The following PRKG1 variants were observed in gnomAD, a reference collection of about 807,000 sequenced individuals.
PRKG1 encodes cGMP-dependent protein kinase 1.
PRKG1 carries 35 observed loss-of-function variants against 88.1 expected under a neutral mutation model. The ratio of observed to expected loss-of-function variants is 0.40; its 90% confidence interval spans 0.30 to 0.53. PRKG1 has a LOEUF of 0.53. Ranked by LOEUF, PRKG1 falls within the 20% of genes least tolerant of loss-of-function variation. PRKG1 has a pLI of 0.59. For synonymous variants in PRKG1, 303 were observed against 292.5 expected (o/e 1.04, Z -0.37); for missense variants, 540 against 839.8 (o/e 0.64, Z 4.41).
At chr10:51,237,441 TA>T (rs763594231) in intron 2 of PRKG1, among the ~76,000 whole-genome samples, 5 of 152,138 alleles carry the variant, frequency 3.3e-5, no homozygotes, top group Non-Finnish European at 7.3e-5. Flanking sequence ...ATCTGTCATT[TA>T]GGAAAGATTA....
intron 2 of PRKG1, among the ~76,000 whole-genome samples, chr10:51,304,808 T>C (rs1840992498): frequency 6.6e-6 from 1 of 152,000 alleles, no homozygotes; most frequent in South Asian, 2.1e-4. Context: ...ACAAAGGACA[T>C]GAAATCATCA....
chr10:52,202,293 C>T (rs1839697661), intron 9 of PRKG1, among the ~76,000 whole-genome samples: 1 of 152,212 alleles, frequency 6.6e-6, no homozygotes, highest in South Asian at 2.1e-4. Context: ...TTGGCATCTA[C>T]TGATAAGGTC....
At chr10:51,966,041 A>C (rs1386595106) in intron 5 of PRKG1, among the ~76,000 whole-genome samples, 1 of 152,112 alleles carries the variant, frequency 6.6e-6, no homozygotes, top group Non-Finnish European at 1.5e-5. Flanking sequence ...TATTCTAATT[A>C]TGTGATTTTT....
chr10:51,040,774 G>T (rs1015816688), intron 1 of PRKG1, among the ~76,000 whole-genome samples: 3 of 152,082 alleles, frequency 2.0e-5, no homozygotes, highest in Admixed American at 6.5e-5. Flanking sequence ...TTGGCATATA[G>T]AAATGCTACT....
intron 5 of PRKG1, among the ~76,000 whole-genome samples, chr10:51,991,968 T>A (rs1205125013): frequency 6.6e-6 from 1 of 152,198 alleles, no homozygotes; most frequent in Non-Finnish European, 1.5e-5. Flanking sequence ...ATGCAATTAT[T>A]GTATTGGATG....
intron 4 of PRKG1, among the ~76,000 whole-genome samples, chr10:51,846,472 C>A (rs1304955844): frequency 6.6e-6 from 1 of 152,124 alleles, no homozygotes; most frequent in Non-Finnish European, 1.5e-5. Flanking sequence ...GGTAATAGGA[C>A]AGTGGCAGAG....
chr10:52,076,959 TA>T (rs1386713799), intron 7 of PRKG1, among the ~76,000 whole-genome samples: 1 of 151,184 alleles, frequency 6.6e-6, no homozygotes, highest in African/African-American at 2.4e-5. Flanking sequence ...ATGTAGAGTA[TA>T]AAATAGTACA....
intron 2 of PRKG1, among the ~76,000 whole-genome samples, chr10:51,431,671 A>C (rs1029667710): frequency 2.0e-5 from 3 of 152,192 alleles, no homozygotes; most frequent in Non-Finnish European, 2.9e-5. Context: ...TACAAATGCC[A>C]GTGCAACAAG....
At chr10:51,659,800 A>G (rs2132328332) in intron 3 of PRKG1, among the ~76,000 whole-genome samples, 1 of 152,218 alleles carries the variant, frequency 6.6e-6, no homozygotes, top group African/African-American at 2.4e-5. Context: ...AGAGACCCTG[A>G]ATCCTAAGCT....
intron 1 of PRKG1, among the ~76,000 whole-genome samples, chr10:51,110,093 G>A (rs1256216089): frequency 6.6e-6 from 1 of 152,036 alleles, no homozygotes; most frequent in Non-Finnish European, 1.5e-5. Context: ...CACTGACGGT[G>A]GGAATGTAAG....
chr10:52,115,814 T>C (rs1847673268), intron 7 of PRKG1, among the ~76,000 whole-genome samples: 1 of 152,196 alleles, frequency 6.6e-6, no homozygotes, highest in South Asian at 2.1e-4. Flanking sequence ...AGGGTGTATA[T>C]TCAGAAACTT....
At chr10:51,761,893 G>T (rs1208515127) in intron 3 of PRKG1, among the ~76,000 whole-genome samples, 1 of 152,056 alleles carries the variant, frequency 6.6e-6, no homozygotes, top group African/African-American at 2.4e-5. Context: ...GATTATTGTG[G>T]ATTATGTTTT....
chr10:51,861,314 C>A (rs1444068839), intron 4 of PRKG1, among the ~76,000 whole-genome samples: 1 of 152,164 alleles, frequency 6.6e-6, no homozygotes, highest in Non-Finnish European at 1.5e-5. Flanking sequence ...TAGAGTTTTG[C>A]TTCTAGTTGG....
In PRKG1 at chr10:51,280,374, C is replaced by A. The variant is rs529472456; in HGVS notation, c.478+127044C>A. 2.6e-5 allele frequency among the ~76,000 whole-genome samples: 4 copies of A among 152,226 alleles called. No individual in the cohort carries two copies. In the East Asian group the frequency reaches 7.7e-4, roughly 29 times the overall value. On this transcript the variant is annotated intron_variant, in intron 2 of 17. Transcript: ENST00000373980. ...TGGAGTTGCTCTTCTTGAGGAGTAT[C>A]TTTGTGGCATTCTCTGTATTTCCTG...
chr10:51,959,788 G>A (rs1295132735), intron 5 of PRKG1, among the ~76,000 whole-genome samples: 2 of 152,154 alleles, frequency 1.3e-5, no homozygotes, highest in African/African-American at 4.8e-5. Flanking sequence ...AGAGAGCCAA[G>A]TGGGTGGTGA....
chr10:52,298,128 G>A lies in PRKG1; in HGVS notation c.*4228G>A, dbSNP rs772814346. ...TTCTTACAGCTATGGTTATTTGATT[G>A]TCCTCTTACAATTTGTTCTACATGA... On this transcript the variant is annotated 3_prime_UTR_variant, in exon 18 of 18. Coordinates refer to ENST00000373980, the MANE Select transcript of PRKG1 (RefSeq NM_006258.4). The A allele has an allele frequency of 2.6e-5, 4 of 151,910 alleles. No homozygotes were observed. The highest frequency in any genetic ancestry group is 5.9e-5 in the Non-Finnish European group (4 of 67,980). 9.4% of individuals were successfully genotyped at this position (151,910 alleles called of 1,614,324 possible).
chr10:52,016,866 G>A (rs1438452595), intron 5 of PRKG1, among the ~76,000 whole-genome samples: 2 of 152,112 alleles, frequency 1.3e-5, no homozygotes, highest in African/African-American at 2.4e-5. Context: ...ACAAAGAGAT[G>A]AAGAGAAGAA....
chr10:52,086,317 C>T (rs1846912538), intron 7 of PRKG1, among the ~76,000 whole-genome samples: 1 of 150,992 alleles, frequency 6.6e-6, no homozygotes. Context: ...CTAGTTACCT[C>T]TTTCTTACAC....
intron 2 of PRKG1, among the ~76,000 whole-genome samples, chr10:51,286,193 A>G (rs575813043): frequency 6.6e-6 from 1 of 151,582 alleles, no homozygotes. Flanking sequence ...CTGGTCTTGA[A>G]CTCCCGGCCT....
Sources: allele counts gnomAD v4.1 joint callset (sites outside exome capture counted in the v4.1 genomes callset), GRCh38; gene constraint gnomAD v4.1.1; transcripts MANE v1.5; gene names NCBI Gene and HGNC (gene_info 2026-07-23, HGNC 2026-07-21).